The following NRXN3 variants were observed in gnomAD, a reference collection of about 807,000 sequenced individuals.
The protein encoded by NRXN3 is neurexin 3.
A neutral mutation model predicts 137.6 loss-of-function variants in NRXN3; 32 were observed. The ratio of observed to expected loss-of-function variants is 0.23; its 90% CI spans 0.18 to 0.31. The LOEUF is 0.31. Ranked by LOEUF, NRXN3 falls within the 10% of genes least tolerant of loss-of-function variation. The pLI, the probability that NRXN3 is intolerant of heterozygous loss-of-function variation, is 1.00. For synonymous variants in NRXN3, 798 were observed against 784.5 expected (o/e 1.02, Z -0.29); for missense variants, 1,574 against 2,062.5 (o/e 0.76, Z 4.59).
chr14:79,365,575 C>A lies in NRXN3; in HGVS notation c.3263-101646C>A, dbSNP rs1176839300. Among the ~76,000 whole-genome samples, 5 of 150,396 alleles carry A rather than the reference C, an allele frequency of 3.3e-5. No individual in the cohort carries two copies. The South Asian group carries it at 1.1e-3, about 32-fold the overall frequency. On this transcript the variant is annotated intron_variant, in intron 15 of 20. Coordinates refer to ENST00000335750, the MANE Select transcript of NRXN3 (RefSeq NM_001330195.2). ...TCTACTAAAAATATAAAAAATTAGC[C>A]GGGCGCGGTGGCGGGCGCCTGTAGT... is the stretch of plus-strand genomic sequence containing the variant.
At chr14:79,213,025 T>A (rs1349468244) in intron 15 of NRXN3, among the ~76,000 whole-genome samples, 1 of 151,888 alleles carries the variant, frequency 6.6e-6, no homozygotes, top group Non-Finnish European at 1.5e-5. Context: ...TACAATATAT[T>A]TTTTTCGGGT....
intron 19 of NRXN3, among the ~76,000 whole-genome samples, chr14:79,727,819 CT>C: frequency 6.6e-6 from 1 of 152,208 alleles, no homozygotes; most frequent in African/African-American, 2.4e-5. Context: ...AAATCCTGGA[CT>C]TTTTTCCCCT....
intron 15 of NRXN3, among the ~76,000 whole-genome samples, chr14:79,335,017 G>T (rs2092135579): frequency 1.3e-5 from 2 of 152,088 alleles, no homozygotes; most frequent in African/African-American, 2.4e-5. Flanking sequence ...GACAATTATT[G>T]GGTGTGGAGG....
chr14:78,552,856 T>A (rs1185053450), intron 4 of NRXN3, among the ~76,000 whole-genome samples: 1 of 152,196 alleles, frequency 6.6e-6, no homozygotes, highest in Non-Finnish European at 1.5e-5. Flanking sequence ...GAGAATAATT[T>A]GAATGTTTCT....
At chr14:78,267,535 G>C (rs1290235409) in intron 2 of NRXN3, among the ~76,000 whole-genome samples, 2 of 151,934 alleles carry the variant, frequency 1.3e-5, no homozygotes, top group Admixed American at 6.6e-5. Context: ...TGTACCAAAA[G>C]ATAAAAAAAA....
intron 4 of NRXN3, among the ~76,000 whole-genome samples, chr14:78,550,316 C>T (rs1289111477): frequency 2.0e-5 from 3 of 152,146 alleles, no homozygotes; most frequent in African/African-American, 4.8e-5. Flanking sequence ...ATGCTGCAAG[C>T]CACTATGCCT....
chr14:79,358,607 G>GAGAA (rs751796019), intron 15 of NRXN3, among the ~76,000 whole-genome samples: 11,295 of 79,666 alleles, frequency 0.14, 1,008 homozygotes, highest in African/African-American at 0.16. Flanking sequence ...AAGAAAGAAA[G>GAGAA]AGAAAGAAAG....
chr14:78,800,730 T>TG (rs1386789304), intron 8 of NRXN3, among the ~76,000 whole-genome samples: 1 of 152,196 alleles, frequency 6.6e-6, no homozygotes, highest in Non-Finnish European at 1.5e-5. Flanking sequence ...CAGACTATTT[T>TG]GGGACCCTTC....
intron 1 of NRXN3, among the ~76,000 whole-genome samples, chr14:78,190,698 G>A (rs748973492): frequency 4.6e-5 from 7 of 151,594 alleles, no homozygotes; most frequent in Non-Finnish European, 8.8e-5. Flanking sequence ...CTTACTTACT[G>A]AGTCTCACTC....
chr14:78,483,953 T>G (rs567364873), intron 4 of NRXN3, among the ~76,000 whole-genome samples: 2 of 148,462 alleles, frequency 1.3e-5, no homozygotes, highest in Non-Finnish European at 3.0e-5. Flanking sequence ...AAGCCATTCA[T>G]TTTTCAGCAT....
intron 19 of NRXN3, among the ~76,000 whole-genome samples, chr14:79,739,694 T>C (rs1311173129): frequency 7.7e-6 from 1 of 129,874 alleles, no homozygotes; most frequent in South Asian, 2.5e-4. Context: ...AGGCCTCCAA[T>C]GGTGCGATCA....
intron 4 of NRXN3, chr14:78,300,643 A>G (rs994485106): frequency 2.0e-6 from 3 of 1,522,212 alleles, no homozygotes; most frequent in Non-Finnish European, 2.6e-6. Flanking sequence ...GGTGAACACC[A>G]TGCTTCCTCT....
At chr14:78,229,051 G>T (rs1452382894) in intron 1 of NRXN3, among the ~76,000 whole-genome samples, 1 of 152,178 alleles carries the variant, frequency 6.6e-6, no homozygotes, top group Non-Finnish European at 1.5e-5. Context: ...CTCCTCTGTG[G>T]CTTTTTGAGG....
At chr14:79,198,779 C>G (rs1319894020) in intron 15 of NRXN3, among the ~76,000 whole-genome samples, 1 of 152,178 alleles carries the variant, frequency 6.6e-6, no homozygotes, top group Non-Finnish European at 1.5e-5. Flanking sequence ...CCAGAGAACA[C>G]CTGATATAAG....
At chr14:79,218,240 C>A (rs1303042688) in intron 15 of NRXN3, among the ~76,000 whole-genome samples, 3 of 152,180 alleles carry the variant, frequency 2.0e-5, no homozygotes, top group East Asian at 1.9e-4. Context: ...ATTGTGTGGT[C>A]AATCTGCTGG....
chr14:79,338,092 C>A (rs529766939), intron 15 of NRXN3, among the ~76,000 whole-genome samples: 1 of 151,956 alleles, frequency 6.6e-6, no homozygotes, highest in East Asian at 1.9e-4. Flanking sequence ...CAATGATTGG[C>A]GGTGACATCA....
intron 10 of NRXN3, among the ~76,000 whole-genome samples, chr14:78,918,226 A>T (rs986235462): frequency 7.0e-6 from 1 of 143,618 alleles, no homozygotes; most frequent in African/African-American, 2.6e-5. Flanking sequence ...CAGAGGTTGC[A>T]GTAGGCCGAG....
intron 8 of NRXN3, among the ~76,000 whole-genome samples, chr14:78,754,180 GACTCT>G (rs1313430072): frequency 1.3e-5 from 2 of 152,226 alleles, no homozygotes; most frequent in Non-Finnish European, 2.9e-5. Flanking sequence ...TCTAGGCTAT[GACTCT>G]ACTCTGAGTT....
intron 19 of NRXN3, among the ~76,000 whole-genome samples, chr14:79,738,315 CCACACACACACACACA>C (rs10539564): frequency 7.2e-6 from 1 of 137,968 alleles, no homozygotes; most frequent in East Asian, 2.2e-4. Context: ...ATTTCCCCCG[CCACACACACACACACA>C]CACACACACA....
Sources: allele counts gnomAD v4.1 joint callset (sites outside exome capture counted in the v4.1 genomes callset), GRCh38; gene constraint gnomAD v4.1.1; transcripts MANE v1.5; gene names NCBI Gene and HGNC (gene_info 2026-07-23, HGNC 2026-07-21).